PTPRN2: variants seen among roughly 807,000 people sequenced by gnomAD.
The protein encoded by PTPRN2 is protein tyrosine phosphatase receptor type N2.
In PTPRN2, 74 loss-of-function variants were observed where a neutral mutation model predicts 118.8. The ratio of observed to expected loss-of-function variants is 0.62; its 90% CI spans 0.52 to 0.76. The LOEUF (loss-of-function observed/expected upper bound fraction) is 0.76, where lower values mean the gene tolerates loss of function less well. PTPRN2 is among the 30% of genes least tolerant of loss of function. The pLI, the probability that PTPRN2 is intolerant of heterozygous loss-of-function variation, is 0.00. For missense variants in PTPRN2, 1,481 were observed against 1,394.4 expected (o/e 1.06, Z -0.99); for synonymous variants, 641 against 608.0 (o/e 1.05, Z -0.80).
At chr7:158,230,161 T>A (rs2150820589) in intron 3 of PTPRN2, among the ~76,000 whole-genome samples, 1 of 152,178 alleles carries the variant, frequency 6.6e-6, no homozygotes, top group East Asian at 1.9e-4. Flanking sequence ...AGCAAAGCAT[T>A]CCTTCAACTA....
At chr7:157,584,460 C>G (rs1018862159) in intron 17 of PTPRN2, among the ~76,000 whole-genome samples, 8 of 152,206 alleles carry the variant, frequency 5.3e-5, no homozygotes, top group Non-Finnish European at 1.0e-4. Context: ...AAAATGTTAT[C>G]AAAGGCTTGC....
chr7:158,562,164 T>C (rs1041416991), intron 1 of PTPRN2, among the ~76,000 whole-genome samples: 2 of 152,194 alleles, frequency 1.3e-5, no homozygotes, highest in Non-Finnish European at 2.9e-5. Flanking sequence ...CTCTGAAGGC[T>C]GTGAAGTCGG....
intron 2 of PTPRN2, among the ~76,000 whole-genome samples, chr7:158,472,120 AT>A (rs1040981224): frequency 3.0e-4 from 45 of 152,350 alleles, no homozygotes; most frequent in African/African-American, 1.1e-3. Context: ...ATACGTGACC[AT>A]TTCCTCTCTT....
chr7:157,793,115 C>A (rs919513831), intron 12 of PTPRN2, among the ~76,000 whole-genome samples: 1 of 152,114 alleles, frequency 6.6e-6, no homozygotes, highest in African/African-American at 2.4e-5. Context: ...GCAGCTGCAT[C>A]TGCAGCTGCG....
Position 158,157,299 on chromosome 7 carries a change from TCAGA to T in PTPRN2, c.910+9628_910+9631del, listed in dbSNP as rs201903855. On this transcript the variant is annotated intron_variant, in intron 6 of 22. Transcript: ENST00000389418. The stretch of plus-strand genomic sequence containing the variant: ...CTTTAGGTGCCCTGCCAATTCCTAG[TCAGA>T]CAGAGGCAAATTTCAACCCAATTCT... Among the ~76,000 whole-genome samples the T allele has an allele frequency of 5.9e-3, 895 of 152,320 alleles. 6 individuals are homozygous for T. Among genetic ancestry groups the T allele is most frequent in the African/African-American group, 0.021 (861 of 41,568 alleles).
chr7:157,896,336 T>G (rs1584972059), intron 12 of PTPRN2, among the ~76,000 whole-genome samples: 1 of 152,126 alleles, frequency 6.6e-6, no homozygotes, highest in Admixed American at 6.5e-5. Flanking sequence ...CAGGAGGAGC[T>G]GGGAGGCTGA....
chr7:157,816,214 T>C (rs1396026367), intron 12 of PTPRN2, among the ~76,000 whole-genome samples: 1 of 152,192 alleles, frequency 6.6e-6, no homozygotes, highest in Non-Finnish European at 1.5e-5. Flanking sequence ...CCTAGCGTGC[T>C]CTGAGGTGGA....
chr7:158,146,084 G>A (rs1165146709), intron 6 of PTPRN2, among the ~76,000 whole-genome samples: 1 of 151,988 alleles, frequency 6.6e-6, no homozygotes. Context: ...CATCCATTCT[G>A]AAAACAAATA....
chr7:158,443,342 A>C (rs1817493362), intron 2 of PTPRN2, among the ~76,000 whole-genome samples: 1 of 152,270 alleles, frequency 6.6e-6, no homozygotes, highest in Admixed American at 6.5e-5. Context: ...GTTGCCGGAA[A>C]TCCAAGGGTA....
chr7:157,712,972 T>G (rs1798723642), intron 12 of PTPRN2, among the ~76,000 whole-genome samples: 1 of 152,100 alleles, frequency 6.6e-6, no homozygotes, highest in African/African-American at 2.4e-5. Context: ...CGCCTGTTGT[T>G]TGAAGGCCCC....
At chr7:158,062,626 G>A (rs961508547) in intron 11 of PTPRN2, among the ~76,000 whole-genome samples, 2 of 152,192 alleles carry the variant, frequency 1.3e-5, no homozygotes, top group Admixed American at 6.5e-5. Context: ...GCCAGCACGA[G>A]TTCTGGGTGG....
At chr7:158,556,907 G>A (rs1410186964) in intron 1 of PTPRN2, among the ~76,000 whole-genome samples, 1 of 147,902 alleles carries the variant, frequency 6.8e-6, no homozygotes, top group Non-Finnish European at 1.5e-5. Flanking sequence ...CTCCCGTGCA[G>A]GTCGCTCCCA....
intron 11 of PTPRN2, among the ~76,000 whole-genome samples, chr7:157,942,099 C>T (rs1171276785): frequency 2.0e-5 from 3 of 150,380 alleles, no homozygotes; most frequent in African/African-American, 7.4e-5. Flanking sequence ...CCTTGGCCTA[C>T]CCTCCACACA....
intron 2 of PTPRN2, among the ~76,000 whole-genome samples, chr7:158,390,532 GA>G (rs1356645910): frequency 3.3e-5 from 5 of 152,158 alleles, no homozygotes; most frequent in Non-Finnish European, 7.3e-5. Context: ...CTCGCAGTAG[GA>G]CCATCGTGCT....
chr7:158,331,991 ACT>A (rs1379158114), intron 2 of PTPRN2, among the ~76,000 whole-genome samples: 85 of 151,186 alleles, frequency 5.6e-4, no homozygotes, highest in African/African-American at 1.7e-3. Context: ...TCACATCCAC[ACT>A]CTCTCCATAA....
intron 2 of PTPRN2, among the ~76,000 whole-genome samples, chr7:158,476,304 C>G (rs1820258431): frequency 6.6e-6 from 1 of 152,208 alleles, no homozygotes; most frequent in Non-Finnish European, 1.5e-5. Flanking sequence ...GCACCCAGTC[C>G]CACTGTTAAT....
At chr7:157,846,600 G>A (rs542408363) in intron 12 of PTPRN2, among the ~76,000 whole-genome samples, 2 of 152,334 alleles carry the variant, frequency 1.3e-5, no homozygotes, top group African/African-American at 2.4e-5. Context: ...AGAGAAAATC[G>A]TGTCATGGAT....
intron 2 of PTPRN2, among the ~76,000 whole-genome samples, chr7:158,373,070 C>T (rs1423083020): frequency 1.3e-5 from 2 of 152,226 alleles, no homozygotes; most frequent in African/African-American, 4.8e-5. Context: ...CACCCAGCGG[C>T]CTCTTAAATC....
At chr7:157,730,964 T>C (rs1799864471) in intron 12 of PTPRN2, among the ~76,000 whole-genome samples, 1 of 152,102 alleles carries the variant, frequency 6.6e-6, no homozygotes, top group Non-Finnish European at 1.5e-5. Flanking sequence ...GCCCCCTCTT[T>C]TGTGGCAGGT....
Sources: gnomAD v4.1 joint callset for allele counts (sites outside exome capture counted in the v4.1 genomes callset) on GRCh38, gnomAD v4.1.1 for gene constraint, MANE v1.5 for transcripts, NCBI Gene and HGNC (gene_info 2026-07-23, HGNC 2026-07-21) for gene names.